PCDHA7: variants seen among roughly 807,000 people sequenced by gnomAD.
PCDHA7 encodes the protein protocadherin alpha-7.
A neutral mutation model predicts 57.2 loss-of-function variants in PCDHA7; 37 were observed. That is an observed-to-expected ratio of 0.65 (90% CI 0.50 to 0.85). PCDHA7 has a LOEUF of 0.85. PCDHA7 is among the 40% of genes least tolerant of loss of function. PCDHA7 has a pLI of 0.00. For synonymous variants in PCDHA7, 553 were observed against 558.8 expected, an observed-to-expected ratio of 0.99 and a Z score of 0.15; for missense variants, 1,188 against 1,241.8, an observed-to-expected ratio of 0.96 and a Z score of 0.65.
intron 3 of PCDHA7, among the ~76,000 whole-genome samples, chr5:140,998,221 C>G (rs1478098925): frequency 1.3e-5 from 2 of 152,160 alleles, no homozygotes; most frequent in Non-Finnish European, 2.9e-5. Flanking sequence ...TAACCACACC[C>G]AGAAATTTGT....
chr5:140,847,794 A>G (rs1581138286), intron 1 of PCDHA7: 1 of 149,890 alleles, frequency 6.7e-6, no homozygotes, highest in Admixed American at 6.7e-5. Context: ...GCAATATTTT[A>G]TACCTTTTCA....
rs141394050 is a variant in PCDHA7 at position 140,948,629 on chromosome 5, T to C, written c.2356-30320T>C. 8.2e-3 allele frequency among the ~76,000 whole-genome samples: 1,244 copies of C among 151,828 alleles called. 11 individuals are homozygous for C. Among genetic ancestry groups the C allele is most frequent in the Non-Finnish European group, 0.013 (908 of 67,578 alleles). On this transcript the variant is annotated intron_variant, in intron 1 of 3. Transcript: ENST00000525929. ...TTTTGGCACAAAGTTGTTAATAATA[T>C]TCTCTCATCTTTTAACGTCTGTATA...
At chr5:140,932,375 G>A (rs192897336) in intron 1 of PCDHA7, among the ~76,000 whole-genome samples, 31 of 151,942 alleles carry the variant, frequency 2.0e-4, no homozygotes, top group Non-Finnish European at 3.0e-5. Context: ...ATTTCCACAT[G>A]AAAGTTATAC....
At chr5:140,906,750 T>C (rs782209238) in intron 1 of PCDHA7, among the ~76,000 whole-genome samples, 2 of 152,216 alleles carry the variant, frequency 1.3e-5, no homozygotes, top group Non-Finnish European at 2.9e-5. Flanking sequence ...ACACAGGGCA[T>C]GGTAATACTA....
At chr5:140,906,709 GC>G (rs1228410148) in intron 1 of PCDHA7, among the ~76,000 whole-genome samples, 7 of 152,190 alleles carry the variant, frequency 4.6e-5, no homozygotes, top group African/African-American at 1.4e-4. Context: ...TTGTAGTCCT[GC>G]CTGGATTGTG....
intron 1 of PCDHA7, chr5:140,870,636 G>C (rs2153249494): frequency 6.2e-7 from 1 of 1,612,910 alleles, no homozygotes; most frequent in Non-Finnish European, 8.5e-7. Context: ...CGGTGCACGC[G>C]GAGAGCGGCA....
chr5:140,842,180 A>G lies in PCDHA7; in HGVS notation c.2355+5442A>G, dbSNP rs199588480. ...ATATTCTTTTAATAGCCTTGTTGAA[A>G]CTATGGTTATTGACCACTTTAGCAT... On this transcript the variant is annotated intron_variant, in intron 1 of 3. Coordinates refer to ENST00000525929, the MANE Select transcript of PCDHA7 (RefSeq NM_018910.3). The G allele has an allele frequency of 3.0e-4, 482 of 1,613,200 alleles. 6 individuals are homozygous for G. Among genetic ancestry groups the G allele is most frequent in the African/African-American group, 2.2e-3 (168 of 74,850 alleles).
rs114640080 is a variant in PCDHA7, at chr5:140,841,887, A to C, written c.2355+5149A>C. The C allele has an allele frequency of 8.3e-4, 1,346 of 1,613,824 alleles. 14 individuals are homozygous for C. In the African/African-American group the frequency reaches 0.016, roughly 20 times the overall value. ...GATGTGAATTCAAAGAACGATGAGA[A>C]TAAACTGGTTGAGCTCGTATTAAGA... On this transcript the variant is annotated intron_variant, in intron 1 of 3. Transcript: ENST00000525929.
Position 140,848,429 on chromosome 5 carries a change from G to A in PCDHA7, c.2355+11691G>A. Reference sequence around the variant, plus strand: ...GCGAACACAGCAGAATGGGACTGACGAAATCAGATGATTTCTTCTAATTTG... The same window carrying A: ...GCGAACACAGCAGAATGGGACTGACAAAATCAGATGATTTCTTCTAATTTG... On this transcript the variant is annotated intron_variant, in intron 1 of 3. Transcript: ENST00000525929. 4.1e-6 allele frequency: 6 copies of A among 1,456,724 alleles called. 1 individual carries two copies. Among genetic ancestry groups the A allele is most frequent in the South Asian group, 1.3e-5 (1 of 77,796 alleles). The allele number at this position is 1,456,724 out of a possible 1,614,324, so 90.2% of individuals were successfully genotyped here.
At chr5:140,860,133 G>GTATATATATGTATATATGTGTA (rs2046204026) in intron 1 of PCDHA7, 2 of 149,192 alleles carry the variant, frequency 1.3e-5, no homozygotes, top group African/African-American at 2.5e-5. Context: ...GTGTGTGTGT[G>GTATATATATGTATATATGTGTA]TATATATATG....
At chr5:140,953,928 C>T (rs246028) in intron 1 of PCDHA7, among the ~76,000 whole-genome samples, 85,608 of 151,876 alleles carry the variant, frequency 0.56, 24,758 homozygotes, top group African/African-American at 0.69. Flanking sequence ...CTTCCTGATG[C>T]TCTCCCTCCC....
chr5:141,005,049 T>C (rs1248594838), intron 3 of PCDHA7, among the ~76,000 whole-genome samples: 6 of 152,264 alleles, frequency 3.9e-5, no homozygotes, highest in African/African-American at 1.4e-4. Context: ...TACCATTTAC[T>C]GAATTCTTGC....
At chr5:140,977,732 G>A (rs538865467) in intron 1 of PCDHA7, among the ~76,000 whole-genome samples, 2 of 152,048 alleles carry the variant, frequency 1.3e-5, no homozygotes, top group African/African-American at 2.4e-5. Flanking sequence ...TTCTCTCCTG[G>A]GTGTTATGAA....
In PCDHA7 at chr5:140,857,564, T is replaced by C. The variant is rs1254291079; in HGVS notation, c.2355+20826T>C. 1 of 1,596,742 alleles carries C rather than the reference T, an allele frequency of 6.3e-7. No homozygotes were observed. The highest frequency in any genetic ancestry group is 1.3e-5 in the African/African-American group (1 of 74,340). ...GTTGGGCGAGCGCTCGCTGTCGAGC[T>C]ACGTGTCGGTGCACGCGGAGAGCGG... On this transcript the variant is annotated intron_variant, in intron 1 of 3. Coordinates refer to ENST00000525929, the MANE Select transcript of PCDHA7 (RefSeq NM_018910.3).
intron 1 of PCDHA7, chr5:140,847,666 C>T (rs1419197833): frequency 6.7e-6 from 1 of 149,608 alleles, no homozygotes; most frequent in African/African-American, 2.4e-5. Flanking sequence ...GATTATAAAG[C>T]TTGGAAAGAA....
intron 1 of PCDHA7, chr5:140,869,524 C>T: frequency 6.2e-7 from 1 of 1,614,188 alleles, no homozygotes; most frequent in Non-Finnish European, 8.5e-7. Flanking sequence ...ACAAAAGCTG[C>T]TGATTGCGGA....
At chr5:140,978,319 A>G (rs1294780698) in intron 1 of PCDHA7, among the ~76,000 whole-genome samples, 2 of 152,216 alleles carry the variant, frequency 1.3e-5, no homozygotes, top group Admixed American at 1.3e-4. Context: ...AGCAGGAACA[A>G]GTACAAGTTT....
At chr5:140,984,976 C>A (rs905264957) in intron 3 of PCDHA7, among the ~76,000 whole-genome samples, 8 of 151,910 alleles carry the variant, frequency 5.3e-5, no homozygotes, top group African/African-American at 1.9e-4. Flanking sequence ...CTCGCTCTGT[C>A]CCCCAGGCTG....
chr5:140,958,873 A>G (rs1554223676), intron 1 of PCDHA7, among the ~76,000 whole-genome samples: 1 of 152,100 alleles, frequency 6.6e-6, no homozygotes, highest in East Asian at 1.9e-4. Context: ...TTTATAAAAG[A>G]ATTGACCAGT....
Sources: allele counts gnomAD v4.1 joint callset (sites outside exome capture counted in the v4.1 genomes callset), GRCh38; gene constraint gnomAD v4.1.1; transcripts MANE v1.5; gene names NCBI Gene and HGNC (gene_info 2026-07-23, HGNC 2026-07-21).